Variants in MARCHF10 observed in about 807,000 individuals in gnomAD.
MARCHF10 encodes probable E3 ubiquitin-protein ligase MARCHF10.
MARCHF10 carries 64 observed loss-of-function variants against 76.2 expected under a neutral mutation model. The observed-to-expected ratio is 0.84, with a 90% CI of 0.69 to 1.03. MARCHF10 has a LOEUF of 1.03. MARCHF10 is among the 50% of genes least tolerant of loss of function. The pLI is 0.00. For synonymous variants in MARCHF10, 340 were observed against 357.5 expected, an observed-to-expected ratio of 0.95 and a Z score of 0.55; for missense variants, 875 against 958.0, an observed-to-expected ratio of 0.91 and a Z score of 1.14.
At chr17:62,744,145 A>T (rs1162656093) in intron 5 of MARCHF10, among the ~76,000 whole-genome samples, 1 of 152,042 alleles carries the variant, frequency 6.6e-6, no homozygotes, top group Non-Finnish European at 1.5e-5. Context: ...AGAAAAAGAT[A>T]TCCCCCCCGA....
intron 6 of MARCHF10, among the ~76,000 whole-genome samples, chr17:62,725,480 G>A (rs1340793184): frequency 1.3e-5 from 2 of 152,132 alleles, no homozygotes; most frequent in Non-Finnish European, 2.9e-5. Flanking sequence ...GCCCAGACTG[G>A]TCTTGAACTC....
At chr17:62,724,910 C>T (rs372613209) in intron 7 of MARCHF10, 28 bp downstream of exon 7, 22 of 1,607,372 alleles carry the variant, frequency 1.4e-5, no homozygotes, top group South Asian at 5.6e-5. Flanking sequence ...TGTCGTGGCA[C>T]GTTCACTGCA....
At chr17:62,807,345 C>CCAAT (rs2093178004) in intron 1 of MARCHF10, among the ~76,000 whole-genome samples, 1 of 152,042 alleles carries the variant, frequency 6.6e-6, no homozygotes, top group African/African-American at 2.4e-5. Context: ...ACTCTTCCAG[C>CCAAT]CAATTTGGCT....
intron 4 of MARCHF10, among the ~76,000 whole-genome samples, chr17:62,751,210 C>G (rs1216532876): frequency 1.3e-5 from 2 of 152,182 alleles, no homozygotes; most frequent in African/African-American, 4.8e-5. Context: ...GAGCTACCCC[C>G]TCACGCCTGA....
intron 3 of MARCHF10, among the ~76,000 whole-genome samples, chr17:62,778,303 T>C (rs1408691508): frequency 2.0e-5 from 3 of 152,056 alleles, no homozygotes; most frequent in Admixed American, 2.0e-4. Flanking sequence ...TGCGAAGGTA[T>C]CTGAATTTGA....
chr17:62,791,302 T>C (rs2092837957), intron 2 of MARCHF10, among the ~76,000 whole-genome samples: 1 of 152,194 alleles, frequency 6.6e-6, no homozygotes. Context: ...AAGGGGCAGA[T>C]GTCTGTGCCG....
intron 2 of MARCHF10, among the ~76,000 whole-genome samples, chr17:62,794,363 G>C (rs2092949620): frequency 6.6e-6 from 1 of 152,166 alleles, no homozygotes; most frequent in Non-Finnish European, 1.5e-5. Flanking sequence ...CCCATTTCCT[G>C]GTTTACTTCT....
intron 3 of MARCHF10, among the ~76,000 whole-genome samples, chr17:62,788,089 C>A (rs1568210851): frequency 2.0e-5 from 3 of 152,184 alleles, no homozygotes; most frequent in African/African-American, 4.8e-5. Context: ...TAGGCCCAAC[C>A]TTGCATCAAG....
intron 4 of MARCHF10, among the ~76,000 whole-genome samples, chr17:62,748,290 C>T (rs946709256): frequency 2.2e-4 from 34 of 152,094 alleles, no homozygotes; most frequent in East Asian, 7.7e-4. Context: ...CCAGCTACTA[C>T]GGAGGCTGAG....
At chr17:62,746,842 C>CT in intron 4 of MARCHF10, 3 of 1,495,730 alleles carry the variant, frequency 2.0e-6, no homozygotes, top group Non-Finnish European at 2.7e-6. Context: ...CCAGAGGCCA[C>CT]TGAGCCCCGC....
At chr17:62,723,028 C>G (rs560193608) in intron 7 of MARCHF10, among the ~76,000 whole-genome samples, 1 of 151,142 alleles carries the variant, frequency 6.6e-6, no homozygotes, top group Non-Finnish European at 1.5e-5. Flanking sequence ...ATGGCAGAAG[C>G]TATTCTCGAT....
rs1469784243 is a variant in MARCHF10 at position 62,738,682 on chromosome 17, C to T, written c.536-1350G>A. 6.6e-6 allele frequency among the ~76,000 whole-genome samples: 1 copy of T among 152,176 alleles called. No homozygotes were observed. Among genetic ancestry groups the T allele is most frequent in the Non-Finnish European group, 1.5e-5 (1 of 68,034 alleles). On this transcript the variant is annotated intron_variant, in intron 5 of 10. Coordinates refer to ENST00000311269, the MANE Select transcript of MARCHF10 (RefSeq NM_152598.4). The surrounding 1 kb of genome is among the most constrained non-coding windows in gnomAD (Gnocchi z 4.0). The stretch of plus-strand genomic sequence containing the variant: ...GGCTCACTTTAATTGGGGCTCCTCA[C>T]AGGGGGACACCAGTGTGAGTCTCTA...
intron 2 of MARCHF10, among the ~76,000 whole-genome samples, chr17:62,792,629 A>G (rs2092868223): frequency 1.5e-5 from 2 of 133,782 alleles, no homozygotes; most frequent in South Asian, 4.8e-4. Context: ...CGCCTCCATC[A>G]CCACCACCAC....
At chr17:62,788,197 T>C (rs139037208) in intron 3 of MARCHF10, among the ~76,000 whole-genome samples, 1 of 152,142 alleles carries the variant, frequency 6.6e-6, no homozygotes, top group Non-Finnish European at 1.5e-5. Context: ...TGGTGTCCCA[T>C]AGACCATCTG....
At position 62,755,684 on chromosome 17, in the gene MARCHF10, C is replaced by T. The variant is rs9901682; in HGVS notation, c.382+4151G>A. On this transcript the variant is annotated intron_variant, in intron 4 of 10. Coordinates refer to ENST00000311269, the MANE Select transcript of MARCHF10 (RefSeq NM_152598.4). ...GACTCACTGCCTGAATTTTCCACGT[C>T]TTTCTGGAGATAAAGCCTTTCTCTG... 6.8e-3 allele frequency among the ~76,000 whole-genome samples: 1,041 copies of T among 152,326 alleles called. 13 individuals carry two copies. The highest frequency in any genetic ancestry group is 0.019 in the African/African-American group (806 of 41,574).
intron 4 of MARCHF10, among the ~76,000 whole-genome samples, chr17:62,748,502 C>T (rs1340281404): frequency 6.6e-6 from 1 of 152,032 alleles, no homozygotes; most frequent in East Asian, 1.9e-4. Flanking sequence ...TTTGGGAGGC[C>T]GAGGCAGGAA....
intron 2 of MARCHF10, chr17:62,794,997 G>A: frequency 2.0e-6 from 2 of 985,052 alleles, no homozygotes; most frequent in African/African-American, 1.7e-5. Context: ...TGTTTTGGCT[G>A]TGAAGAGTAG....
chr17:62,731,302 G>T (rs1223748103), intron 6 of MARCHF10, among the ~76,000 whole-genome samples: 32 of 152,066 alleles, frequency 2.1e-4, no homozygotes, highest in Admixed American at 2.1e-3. Context: ...TTGCTCTGTT[G>T]CCCAGGCTGG....
At chr17:62,755,170 A>C (rs149066269) in intron 4 of MARCHF10, among the ~76,000 whole-genome samples, 14 of 152,344 alleles carry the variant, frequency 9.2e-5, no homozygotes, top group African/African-American at 3.4e-4. Flanking sequence ...GCTTTGCTTT[A>C]AAGGGCAAGA....
Sources: gnomAD v4.1 joint callset for allele counts (sites outside exome capture counted in the v4.1 genomes callset) on GRCh38, gnomAD v4.1.1 for gene constraint, Gnocchi (gnomAD v3.1) non-coding constraint, MANE v1.5 for transcripts, NCBI Gene and HGNC (gene_info 2026-07-23, HGNC 2026-07-21) for gene names.